TMEM182: variants seen among roughly 807,000 people sequenced by gnomAD.
TMEM182 encodes transmembrane protein 182.
In TMEM182, 20 loss-of-function variants were observed where a neutral mutation model predicts 26.8. The observed-to-expected ratio is 0.75, with a 90% confidence interval of 0.53 to 1.09. TMEM182 has a LOEUF of 1.09. TMEM182 is among the 50% of genes least tolerant of loss of function. The pLI is 0.00. For synonymous variants in TMEM182, 109 were observed against 102.2 expected (o/e 1.07, Z -0.40); for missense variants, 277 against 275.5 (o/e 1.01, Z -0.04).
chr2:102,744,076 T>A (rs1169930701), intron 1 of TMEM182, among the ~76,000 whole-genome samples: 1 of 152,224 alleles, frequency 6.6e-6, no homozygotes, highest in Non-Finnish European at 1.5e-5. Flanking sequence ...AATTGACATT[T>A]GTGAAATACT....
chr2:102,772,395 G>A (rs1402697073), intron 3 of TMEM182, among the ~76,000 whole-genome samples: 1 of 152,190 alleles, frequency 6.6e-6, no homozygotes, highest in Non-Finnish European at 1.5e-5. Flanking sequence ...TAAAAGATGA[G>A]AGGGGTGTGT....
chr2:102,815,803 T>G lies in TMEM182; in HGVS notation c.*835T>G, dbSNP rs1682720846. The stretch of plus-strand genomic sequence containing the variant: ...TATTTTAAAATTCTCATTTAAAAAT[T>G]ATATTGCTATCATTCAGCATGTGAA... On this transcript the variant is annotated 3_prime_UTR_variant, in exon 5 of 5. Coordinates refer to ENST00000412401, the MANE Select transcript of TMEM182 (RefSeq NM_144632.5). 1 of 915,626 alleles carries G rather than the reference T, an allele frequency of 1.1e-6. No individual in the cohort carries two copies. Among genetic ancestry groups the G allele is most frequent in the Non-Finnish European group, 1.3e-6 (1 of 766,820 alleles). 56.7% of individuals were successfully genotyped at this position (915,626 alleles called of 1,614,324 possible).
At chr2:102,777,765 TTCTTTTTC>T (rs1680984065) in intron 3 of TMEM182, among the ~76,000 whole-genome samples, 1 of 151,650 alleles carries the variant, frequency 6.6e-6, no homozygotes, top group Non-Finnish European at 1.5e-5. Flanking sequence ...CCTTTTTTTT[TTCTTTTTC>T]TCTTTTTCTT....
intron 3 of TMEM182, among the ~76,000 whole-genome samples, chr2:102,788,726 T>C (rs1402466369): frequency 2.0e-5 from 3 of 151,850 alleles, no homozygotes; most frequent in Admixed American, 2.0e-4. Flanking sequence ...ACTGCCAGAG[T>C]GGAAGGTGGA....
At chr2:102,763,874 C>A (rs191090460) in intron 2 of TMEM182, among the ~76,000 whole-genome samples, 34 of 152,244 alleles carry the variant, frequency 2.2e-4, no homozygotes, top group Admixed American at 1.0e-3. Context: ...TATAACTTAT[C>A]ATTTGCATTC....
chr2:102,753,853 C>T (rs2104643519), intron 1 of TMEM182, among the ~76,000 whole-genome samples: 1 of 152,318 alleles, frequency 6.6e-6, no homozygotes, highest in East Asian at 1.9e-4. Flanking sequence ...GTAAGAGATG[C>T]AACACTAAAC....
At chr2:102,803,993 C>A (rs1682253010) in intron 4 of TMEM182, among the ~76,000 whole-genome samples, 1 of 152,224 alleles carries the variant, frequency 6.6e-6, no homozygotes, top group South Asian at 2.1e-4. Flanking sequence ...CGCAGCCCTG[C>A]TGTCTCTATG....
At chr2:102,782,727 A>T (rs1407051455) in intron 3 of TMEM182, among the ~76,000 whole-genome samples, 1 of 152,218 alleles carries the variant, frequency 6.6e-6, no homozygotes, top group Admixed American at 6.5e-5. Flanking sequence ...GTTCCTCATG[A>T]GCAATAGTCA....
intron 2 of TMEM182, 84 bp from the exon 3 acceptor site, chr2:102,764,245 G>T: frequency 7.3e-7 from 1 of 1,367,102 alleles, no homozygotes; most frequent in Non-Finnish European, 1.0e-6. Context: ...TGTAACCCTT[G>T]TGCTCTGTAT....
At chr2:102,785,915 C>A (rs1681369720) in intron 3 of TMEM182, among the ~76,000 whole-genome samples, 2 of 152,050 alleles carry the variant, frequency 1.3e-5, no homozygotes, top group Admixed American at 6.6e-5. Context: ...TTTCTACTGT[C>A]TGTACAAAAG....
intron 3 of TMEM182, chr2:102,775,624 G>T (rs965737023): frequency 6.6e-6 from 1 of 152,100 alleles, no homozygotes; most frequent in East Asian, 1.9e-4. Flanking sequence ...TGACATGATT[G>T]TATATCTAGA....
At chr2:102,749,992 GT>G (rs1456710400) in intron 1 of TMEM182, among the ~76,000 whole-genome samples, 1 of 151,226 alleles carries the variant, frequency 6.6e-6, no homozygotes, top group Non-Finnish European at 1.5e-5. Flanking sequence ...ATATTTTTCA[GT>G]TTTCTATCTG....
upstream of TMEM182, among the ~76,000 whole-genome samples, chr2:102,761,298 G>C (rs1014271791): frequency 1.2e-4 from 18 of 152,110 alleles, no homozygotes. Context: ...GAGGAAGTGA[G>C]ATATTTTAAA....
rs940788328 is a variant in TMEM182 at position 102,750,833 on chromosome 2, G to T, written c.-82-7556G>T. On this transcript the variant is annotated intron_variant, in intron 1 of 5. Transcript: ENST00000409173. Reference sequence around the variant, plus strand: ...TGTGTTCACAGTGATGTATGAGTCCGCTAGGACTGCCACAACAAAATACTA... The same window carrying T: ...TGTGTTCACAGTGATGTATGAGTCCTCTAGGACTGCCACAACAAAATACTA... Among the ~76,000 whole-genome samples the T allele has an allele frequency of 2.0e-5, 3 of 152,276 alleles. No individual in the cohort carries two copies. In the South Asian group the frequency reaches 6.2e-4, roughly 32 times the overall value.
intron 4 of TMEM182, among the ~76,000 whole-genome samples, chr2:102,808,848 A>G (rs559800018): frequency 6.6e-6 from 1 of 152,208 alleles, no homozygotes. Context: ...GTATACTGCT[A>G]TGATTCCATT....
intron 1 of TMEM182, among the ~76,000 whole-genome samples, chr2:102,741,016 T>G (rs1296825445): frequency 6.6e-6 from 1 of 152,260 alleles, no homozygotes; most frequent in African/African-American, 2.4e-5. Flanking sequence ...GCTTCTGGTA[T>G]CTGTGCCAAC....
chr2:102,833,615 A>C (rs144873484), intron 3 of TMEM182, among the ~76,000 whole-genome samples: 322 of 152,280 alleles, frequency 2.1e-3, no homozygotes, highest in African/African-American at 7.1e-3. Flanking sequence ...TTAGGAATCC[A>C]CTAGTCTTTC....
intron 3 of TMEM182, among the ~76,000 whole-genome samples, chr2:102,781,628 G>A (rs1433552028): frequency 6.6e-6 from 1 of 152,128 alleles, no homozygotes; most frequent in East Asian, 1.9e-4. Context: ...GGAGACTAAG[G>A]ATGGGCAGCT....
At position 102,816,847 on chromosome 2, in the gene TMEM182, A is replaced by G; in HGVS notation, c.*1879A>G. 1 of 985,814 alleles carries G rather than the reference A, an allele frequency of 1.0e-6. No individual in the cohort carries two copies. The highest frequency in any genetic ancestry group is 1.2e-6 in the Non-Finnish European group (1 of 829,906). 61.1% of individuals were successfully genotyped at this position (985,814 alleles called of 1,614,324 possible). On this transcript the variant is annotated 3_prime_UTR_variant, in exon 5 of 5. Transcript: ENST00000412401. ...TTGGAATGGAGCCTTTTTCTGGTGT[A>G]CTGTATGCCATTTAAGTTTCACATA...
Sources: allele counts gnomAD v4.1 joint callset (sites outside exome capture counted in the v4.1 genomes callset), GRCh38; gene constraint gnomAD v4.1.1; transcripts MANE v1.5; gene names NCBI Gene and HGNC (gene_info 2026-07-23, HGNC 2026-07-21).